Variants in BMP3 observed in about 807,000 individuals in gnomAD.
The protein encoded by BMP3 is bone morphogenetic protein 3 (osteogenic).
A neutral mutation model predicts 38.1 loss-of-function variants in BMP3; 23 were observed. The ratio of observed to expected loss-of-function variants is 0.60; its 90% CI spans 0.43 to 0.86. BMP3 has a LOEUF of 0.86. Among genes scored for constraint, BMP3 ranks in the 40% least tolerant of loss-of-function variants. BMP3 has a pLI of 0.00. For missense variants in BMP3, 628 were observed against 579.6 expected (o/e 1.08, Z -0.86); for synonymous variants, 258 against 225.7 (o/e 1.14, Z -1.28).
chr4:81,033,994 C>T (rs1206041000), intron 1 of BMP3, among the ~76,000 whole-genome samples: 1 of 152,162 alleles, frequency 6.6e-6, no homozygotes, highest in Non-Finnish European at 1.5e-5. Flanking sequence ...AGTGCTTATT[C>T]AGGCTGAGTT....
chr4:81,035,131 C>T (rs1560509986), intron 1 of BMP3, among the ~76,000 whole-genome samples: 2 of 152,080 alleles, frequency 1.3e-5, no homozygotes, highest in Admixed American at 6.5e-5. Context: ...ACTCTGAATA[C>T]ATGATAGCCT....
At chr4:81,049,747 A>T (rs886746971) in intron 2 of BMP3, among the ~76,000 whole-genome samples, 1 of 152,184 alleles carries the variant, frequency 6.6e-6, no homozygotes, top group African/African-American at 2.4e-5. Flanking sequence ...TGTTATCTGC[A>T]CCGTGTCCAA....
chr4:81,053,241 T>C, intron 2 of BMP3, 104 bp from the exon 3 acceptor site: 2 of 838,572 alleles, frequency 2.4e-6, no homozygotes, highest in Non-Finnish European at 3.5e-6. Context: ...TTTATTAAAT[T>C]GTTGAAACAA....
Position 81,045,868 on chromosome 4 carries a change from T to C in BMP3, c.447T>C (p.Ser149=). The C allele has an allele frequency of 6.2e-7, 1 of 1,614,150 alleles. No homozygotes were observed. The change falls in exon 2 of 3, where the codon TCT becomes TCC. Residue 149 remains serine, a synonymous_variant. Transcript: ENST00000282701. ...LGNISLSCPV[S]GGCSHHAQRK... ...ACATCAGCCTGAGTTGTCCAGTGTC[T>C]GGAGGATGCTCCCATCATGCTCAGA...
At position 81,056,748 on chromosome 4, in the gene BMP3, A is replaced by G. The variant is rs1740581103; in HGVS notation, c.*3212A>G. On this transcript the variant is annotated 3_prime_UTR_variant, in exon 3 of 3. Coordinates refer to ENST00000282701, the MANE Select transcript of BMP3 (RefSeq NM_001201.5). ...CTTTGCTGTATATTAACTGATGATC[A>G]TTTATATGTTAAGATTTTTTACCTT... 6.6e-6 allele frequency: 1 copy of G among 152,562 alleles called. No homozygotes were observed. The highest frequency in any genetic ancestry group is 2.1e-4 in the South Asian group (1 of 4,828). The allele number at this position is 152,562 out of a possible 1,614,324, so 9.5% of individuals were successfully genotyped here.
chr4:81,038,196 G>T lies in BMP3; in HGVS notation c.316+6596G>T, dbSNP rs112780159. 4.6e-3 allele frequency among the ~76,000 whole-genome samples: 704 copies of T among 152,086 alleles called. 4 individuals carry two copies. The highest frequency in any genetic ancestry group is 0.016 in the African/African-American group (674 of 41,512). ...CTTTTTAAAATATATACCTTAGAAG[G>T]TATATTACTGCCTTTATGATGGTTT... On this transcript the variant is annotated intron_variant, in intron 1 of 2. Coordinates refer to ENST00000282701, the MANE Select transcript of BMP3 (RefSeq NM_001201.5).
intron 2 of BMP3, among the ~76,000 whole-genome samples, chr4:81,053,092 A>G (rs949778844): frequency 6.6e-6 from 1 of 152,170 alleles, no homozygotes. Context: ...TGTAAAATGT[A>G]AGAAATGTTA....
Position 81,046,268 on chromosome 4 carries a change from A to G in BMP3, c.847A>G (p.Ile283Val). ...TAGCCACATCAGAGCTGCCCTTTCCATTGAGCGGAGGAAGAAGCGCTCTAC... is the reference window on the plus strand; with the variant it reads ...TAGCCACATCAGAGCTGCCCTTTCCGTTGAGCGGAGGAAGAAGCGCTCTAC... ...WDSHIRAALS[I>V]ERRKKRSTGV... Residue 283 changes from isoleucine (I) to valine (V), a missense_variant, in exon 2 of 3, where the codon ATT (isoleucine) becomes GTT (valine). Ile to Val is a conservative substitution (Grantham distance 29). Coordinates refer to ENST00000282701, the MANE Select transcript of BMP3 (RefSeq NM_001201.5). The G allele has an allele frequency of 6.2e-7, 1 of 1,614,094 alleles. No individual in the cohort carries two copies. Among genetic ancestry groups the G allele is most frequent in the Non-Finnish European group, 8.5e-7 (1 of 1,180,018 alleles).
At chr4:81,039,950 G>A (rs1740026201) in intron 1 of BMP3, among the ~76,000 whole-genome samples, 1 of 152,086 alleles carries the variant, frequency 6.6e-6, no homozygotes, top group South Asian at 2.1e-4. Flanking sequence ...ATCCAGGAAT[G>A]GTATCTCTGC....
At chr4:81,034,076 A>G (rs1174426675) in intron 1 of BMP3, among the ~76,000 whole-genome samples, 1 of 152,216 alleles carries the variant, frequency 6.6e-6, no homozygotes, top group East Asian at 1.9e-4. Flanking sequence ...AACCTAGAAT[A>G]TCTTCGATTG....
chr4:81,035,987 C>A (rs1331681394), intron 1 of BMP3, among the ~76,000 whole-genome samples: 1 of 151,896 alleles, frequency 6.6e-6, no homozygotes, highest in Non-Finnish European at 1.5e-5. Flanking sequence ...AGTATGTTAA[C>A]TTATATTATT....
At chr4:81,046,866 T>C (rs1161640882) in intron 2 of BMP3, among the ~76,000 whole-genome samples, 5 of 152,202 alleles carry the variant, frequency 3.3e-5, no homozygotes, top group Admixed American at 6.5e-5. Flanking sequence ...GAAGTCAGTA[T>C]TGGTATAAAG....
At chr4:81,053,285 T>C in intron 2 of BMP3, 60 bp from the exon 3 acceptor site, 1 of 1,261,200 alleles carries the variant, frequency 7.9e-7, no homozygotes, top group Non-Finnish European at 1.1e-6. Context: ...TAATGAGGAC[T>C]GAGGAGTGGA....
chr4:81,050,090 A>G (rs1427746080), intron 2 of BMP3, among the ~76,000 whole-genome samples: 1 of 152,176 alleles, frequency 6.6e-6, no homozygotes, highest in Admixed American at 6.6e-5. Context: ...GATTCCAATT[A>G]GATAGTTTCT....
intron 1 of BMP3, among the ~76,000 whole-genome samples, chr4:81,034,637 G>A (rs1025488009): frequency 8.5e-5 from 13 of 152,188 alleles, no homozygotes; most frequent in African/African-American, 2.9e-4. Flanking sequence ...CACCAAAATA[G>A]CACATTTTAG....
intron 1 of BMP3, among the ~76,000 whole-genome samples, chr4:81,041,091 T>C (rs1241869656): frequency 6.6e-6 from 1 of 152,210 alleles, no homozygotes; most frequent in East Asian, 1.9e-4. Context: ...GCAAATCTTC[T>C]GTTCATAAGT....
intron 2 of BMP3, among the ~76,000 whole-genome samples, chr4:81,050,285 TC>T: frequency 6.6e-6 from 1 of 152,164 alleles, no homozygotes; most frequent in East Asian, 1.9e-4. Flanking sequence ...TAGATTTCAT[TC>T]ACAGACACGG....
chr4:81,043,233 C>G (rs1740133329), intron 1 of BMP3, among the ~76,000 whole-genome samples: 1 of 152,052 alleles, frequency 6.6e-6, no homozygotes, highest in African/African-American at 2.4e-5. Flanking sequence ...GTGACTGATC[C>G]CAGGATGGGA....
At position 81,038,123 on chromosome 4, in the gene BMP3, G is replaced by A. The variant is rs546211335; in HGVS notation, c.316+6523G>A. On this transcript the variant is annotated intron_variant, in intron 1 of 2. Coordinates refer to ENST00000282701, the MANE Select transcript of BMP3 (RefSeq NM_001201.5). ...TTCCTGATCTCATCTGGCCCTTTTA[G>A]TGGGCCTATCCATAAACAAATGGTT... is the stretch of plus-strand genomic sequence containing the variant. Among the ~76,000 whole-genome samples the A allele has an allele frequency of 9.3e-4, 142 of 152,160 alleles. 2 individuals are homozygous for A. The highest frequency in any genetic ancestry group is 1.2e-3 in the Non-Finnish European group (80 of 67,996).
Sources: gnomAD v4.1 joint callset for allele counts (sites outside exome capture counted in the v4.1 genomes callset) on GRCh38, gnomAD v4.1.1 for gene constraint, MANE v1.5 for transcripts, NCBI Gene and HGNC (gene_info 2026-07-23, HGNC 2026-07-21) for gene names.